Variants in SLC12A2 observed in about 807,000 individuals in gnomAD.
SLC12A2 encodes the protein solute carrier family 12 member 2.
A neutral mutation model predicts 136.3 loss-of-function variants in SLC12A2; 67 were observed. The ratio of observed to expected loss-of-function variants is 0.49; its 90% CI spans 0.40 to 0.60. The LOEUF (loss-of-function observed/expected upper bound fraction) is 0.60, where lower values mean the gene tolerates loss of function less well. Among genes scored for constraint, SLC12A2 ranks in the 20% least tolerant of loss-of-function variants. The pLI is 0.00. For missense variants in SLC12A2, 1,322 were observed against 1,534.7 expected, an observed-to-expected ratio of 0.86 and a Z score of 2.32; for synonymous variants, 619 against 562.9, an observed-to-expected ratio of 1.10 and a Z score of -1.41.
intron 3 of SLC12A2, 101 bp downstream of exon 3, chr5:128,114,388 A>G (rs187222791): frequency 5.6e-5 from 53 of 944,318 alleles, no homozygotes; most frequent in Non-Finnish European, 6.8e-5. Flanking sequence ...ATTTTTAACT[A>G]CGTTTTCCTT....
intron 4 of SLC12A2, among the ~76,000 whole-genome samples, chr5:128,126,966 A>ATATATATATAATTTTTT: frequency 4.7e-5 from 1 of 21,156 alleles, no homozygotes; most frequent in African/African-American, 2.5e-4. Context: ...ATATATATAT[A>ATATATATATAATTTTTT]TTTTTTTTTT....
chr5:128,107,454 C>T (rs1243531968), intron 1 of SLC12A2, among the ~76,000 whole-genome samples: 6 of 152,134 alleles, frequency 3.9e-5, no homozygotes, highest in East Asian at 1.9e-4. Flanking sequence ...CCCTCCCTGC[C>T]GCAACAGACC....
At chr5:128,121,042 C>T (rs1237660572) in intron 4 of SLC12A2, among the ~76,000 whole-genome samples, 1 of 151,926 alleles carries the variant, frequency 6.6e-6, no homozygotes, top group East Asian at 1.9e-4. Context: ...AGTGAATTTT[C>T]CCTAGTGTTA....
chr5:128,115,414 C>T (rs778084479), intron 4 of SLC12A2, among the ~76,000 whole-genome samples: 15 of 152,108 alleles, frequency 9.9e-5, no homozygotes, highest in African/African-American at 2.4e-4. Flanking sequence ...TGTGAGCCAC[C>T]GCACCTGGCC....
chr5:128,099,418 A>G (rs902658494), intron 1 of SLC12A2, among the ~76,000 whole-genome samples: 13 of 152,194 alleles, frequency 8.5e-5, no homozygotes, highest in African/African-American at 3.1e-4. Context: ...CTCTGAGTGA[A>G]TGTAAAGGCC....
intron 10 of SLC12A2, among the ~76,000 whole-genome samples, chr5:128,145,535 T>A (rs1450883203): frequency 6.6e-6 from 1 of 152,124 alleles, no homozygotes; most frequent in Non-Finnish European, 1.5e-5. Context: ...ACAGCATATA[T>A]GTAACTACTA....
chr5:128,136,616 T>C (rs1376834204), intron 7 of SLC12A2, among the ~76,000 whole-genome samples: 1 of 152,156 alleles, frequency 6.6e-6, no homozygotes, highest in Non-Finnish European at 1.5e-5. Flanking sequence ...TGTCCTCTGC[T>C]TCATTTCTCT....
chr5:128,120,895 A>T (rs975786650), intron 4 of SLC12A2, among the ~76,000 whole-genome samples: 3 of 152,108 alleles, frequency 2.0e-5, no homozygotes, highest in African/African-American at 7.2e-5. Flanking sequence ...AATTAATGTT[A>T]ACTAATTTGA....
At chr5:128,179,175 G>C (rs144271618) in intron 22 of SLC12A2, among the ~76,000 whole-genome samples, 123 of 152,210 alleles carry the variant, frequency 8.1e-4, no homozygotes, top group African/African-American at 2.9e-3. Context: ...TATAATTACA[G>C]GTATTGGGGA....
intron 15 of SLC12A2, among the ~76,000 whole-genome samples, chr5:128,153,892 A>G (rs1762789351): frequency 1.3e-5 from 2 of 152,126 alleles, no homozygotes. Context: ...GTAGACAGAA[A>G]TGGAGAAGAA....
At chr5:128,111,638 G>A (rs1451734670) in intron 1 of SLC12A2, among the ~76,000 whole-genome samples, 5 of 151,744 alleles carry the variant, frequency 3.3e-5, no homozygotes, top group African/African-American at 7.3e-5. Context: ...GGTGGTGGGC[G>A]CCTGTAGTCC....
rs544095417 is a variant in SLC12A2 at position 128,101,183 on chromosome 5, A to G, written c.757-11631A>G. ...ATTACACTGAATACACCAATCACCG[A>G]CAGCACGGATAGGAAATGTTGGTAG... On this transcript the variant is annotated intron_variant, in intron 1 of 26. Coordinates refer to ENST00000262461, the MANE Select transcript of SLC12A2 (RefSeq NM_001046.3). 2.0e-5 allele frequency among the ~76,000 whole-genome samples: 3 copies of G among 152,292 alleles called. No homozygotes were observed. The South Asian group carries it at 6.2e-4, about 32-fold the overall frequency.
At chr5:128,105,341 A>AGG (rs1405011047) in intron 1 of SLC12A2, among the ~76,000 whole-genome samples, 5 of 152,226 alleles carry the variant, frequency 3.3e-5, no homozygotes, top group African/African-American at 9.6e-5. Flanking sequence ...TGAGCAAGGG[A>AGG]GGGGGGTATA....
At chr5:128,112,097 T>C (rs1383560019) in intron 1 of SLC12A2, among the ~76,000 whole-genome samples, 2 of 152,096 alleles carry the variant, frequency 1.3e-5, no homozygotes, top group Admixed American at 1.3e-4. Flanking sequence ...ATGTGTCATA[T>C]ATTGGGATAG....
intron 4 of SLC12A2, among the ~76,000 whole-genome samples, chr5:128,122,365 T>C (rs939324498): frequency 8.5e-5 from 13 of 152,254 alleles, no homozygotes; most frequent in Non-Finnish European, 1.9e-4. Context: ...TGCTATGTTA[T>C]TGGAGTTTAC....
chr5:128,139,649 T>C (rs897550691), intron 9 of SLC12A2, among the ~76,000 whole-genome samples: 1 of 152,198 alleles, frequency 6.6e-6, no homozygotes, highest in African/African-American at 2.4e-5. Flanking sequence ...TTAAATAAAG[T>C]CTTTAAGGCT....
intron 1 of SLC12A2, among the ~76,000 whole-genome samples, chr5:128,091,231 G>C (rs147915618): frequency 6.6e-6 from 1 of 152,012 alleles, no homozygotes; most frequent in Non-Finnish European, 1.5e-5. Context: ...GTAATACTAG[G>C]GTTTTCCCCC....
intron 19 of SLC12A2, among the ~76,000 whole-genome samples, chr5:128,172,132 A>G (rs1390617753): frequency 2.0e-5 from 3 of 152,244 alleles, no homozygotes; most frequent in Non-Finnish European, 2.9e-5. Flanking sequence ...GTACAGAGTC[A>G]TATTGATAGA....
At chr5:128,110,638 A>G in intron 1 of SLC12A2, 3 of 1,104,028 alleles carry the variant, frequency 2.7e-6, no homozygotes, top group South Asian at 2.5e-5. Context: ...AGTTAGTGAC[A>G]GTGTTGTGCT....
Sources: allele counts gnomAD v4.1 joint callset (sites outside exome capture counted in the v4.1 genomes callset), GRCh38; gene constraint gnomAD v4.1.1; transcripts MANE v1.5; gene names NCBI Gene and HGNC (gene_info 2026-07-23, HGNC 2026-07-21).